DHX15: variants seen among roughly 807,000 people sequenced by gnomAD.
DHX15 encodes DEAH-box helicase 15.
In DHX15, 11 loss-of-function variants were observed where a neutral mutation model predicts 94.4. That is an observed-to-expected ratio of 0.12 (90% CI 0.07 to 0.19). The LOEUF is 0.19. Among genes scored for constraint, DHX15 ranks in the 10% least tolerant of loss-of-function variants. The pLI, the probability that DHX15 is intolerant of heterozygous loss-of-function variation, is 1.00. For missense variants in DHX15, 304 were observed against 988.5 expected (o/e 0.31, Z 9.29); for synonymous variants, 338 against 329.9 (o/e 1.02, Z -0.27).
At chr4:24,531,254 A>G (rs1006035538) in intron 12 of DHX15, among the ~76,000 whole-genome samples, 1 of 151,918 alleles carries the variant, frequency 6.6e-6, no homozygotes, top group Non-Finnish European at 1.5e-5. Context: ...GCGCCCGGCT[A>G]ATTTTTTGTA....
chr4:24,579,006 AAAGATTTT>A (rs1415947723), intron 1 of DHX15, among the ~76,000 whole-genome samples: 1 of 152,208 alleles, frequency 6.6e-6, no homozygotes, highest in African/African-American at 2.4e-5. Flanking sequence ...CTATACTAAC[AAAGATTTT>A]TTCAGGGGCC....
rs759203047 is a variant in DHX15 at position 24,556,350 on chromosome 4, A to G, written c.762T>C (p.Tyr254=). ...GAGCCTCATCAAGAATTATTACACC[A>G]TAACGCTCCAGGAGGGGATCATTCA... is the stretch of plus-strand genomic sequence containing the variant. ...EAMNDPLLER[Y]GVIILDEAHE... The change falls in exon 4 of 14, where the codon TAT becomes TAC. Residue 254 remains tyrosine, a synonymous_variant. Coordinates refer to ENST00000336812, the MANE Select transcript of DHX15 (RefSeq NM_001358.3). 21 of 1,613,632 alleles carry G rather than the reference A, an allele frequency of 1.3e-5. No individual in the cohort carries two copies. Among genetic ancestry groups the G allele is most frequent in the Non-Finnish European group, 1.6e-5 (19 of 1,179,700 alleles).
chr4:24,570,917 C>T lies in DHX15; in HGVS notation c.508-70G>A, dbSNP rs910493344. 8 of 1,471,260 alleles carry T rather than the reference C, an allele frequency of 5.4e-6. No individual in the cohort carries two copies. The Admixed American group carries it at 1.2e-4, about 23-fold the overall frequency. The allele number at this position is 1,471,260 out of a possible 1,614,324, so 91.1% of individuals were successfully genotyped here. A position where few individuals can be genotyped will look rare whatever the true frequency, so the allele number is the denominator to read the frequency against. On this transcript the variant is annotated intron_variant, in intron 2 of 13. Transcript: ENST00000336812. ...TATCAAGTATATGTAACATAAAGCA[C>T]TTTATCTCATTCTAATGATTTAAAA...
At chr4:24,531,964 T>G (rs1399100409) in intron 12 of DHX15, among the ~76,000 whole-genome samples, 1 of 152,228 alleles carries the variant, frequency 6.6e-6, no homozygotes, top group Non-Finnish European at 1.5e-5. Context: ...CAGGCTCATA[T>G]TCTAGCTACT....
chr4:24,552,746 T>C (rs138086364), intron 5 of DHX15, among the ~76,000 whole-genome samples: 1 of 152,184 alleles, frequency 6.6e-6, no homozygotes, highest in Non-Finnish European at 1.5e-5. Context: ...AATTCAAGAC[T>C]GGGAATCTAA....
chr4:24,554,815 A>G lies in DHX15; in HGVS notation c.990T>C (p.Asp330=). The change falls in exon 5 of 14, where the codon GAT becomes GAC. Residue 330 remains aspartate, a synonymous_variant. Transcript: ENST00000336812. ...EIFYTPEPER[D]YLEAAIRTVI... ...CTGTTCGAATTGCTGCTTCAAGATA[A>G]TCTCTCTCTGGTTCTGGAGTATAGA... is the stretch of plus-strand genomic sequence containing the variant. 6.2e-7 allele frequency: 1 copy of G among 1,613,810 alleles called. No individual in the cohort carries two copies. The highest frequency in any genetic ancestry group is 8.5e-7 in the Non-Finnish European group (1 of 1,179,880).
chr4:24,555,004 T>C (rs530116918), intron 4 of DHX15, 61 bp from the exon 5 acceptor site: 105 of 1,315,056 alleles, frequency 8.0e-5, no homozygotes, highest in Non-Finnish European at 8.0e-5. Context: ...GGTCTTACAG[T>C]ATAGCAATAT....
At chr4:24,580,199 A>T (rs1722378031) in intron 1 of DHX15, among the ~76,000 whole-genome samples, 1 of 152,180 alleles carries the variant, frequency 6.6e-6, no homozygotes, top group Non-Finnish European at 1.5e-5. Context: ...CCAGAGGCCA[A>T]AAGTTTGAGA....
chr4:24,575,575 T>C (rs1031473028), intron 2 of DHX15, among the ~76,000 whole-genome samples: 2 of 152,190 alleles, frequency 1.3e-5, no homozygotes, highest in Non-Finnish European at 1.5e-5. Flanking sequence ...GAAAGGTAAA[T>C]TGATACGCTC....
At position 24,542,926 on chromosome 4, in the gene DHX15, C is replaced by T. The variant is rs1371638425; in HGVS notation, c.1335+14G>A. ...AACCAACTCTAATTTATAAAGTATCCACTAAATATGTACCTTCTGTTTCGC... is the reference window on the plus strand; with the variant it reads ...AACCAACTCTAATTTATAAAGTATCTACTAAATATGTACCTTCTGTTTCGC... On this transcript the variant is annotated intron_variant, in intron 7 of 13. Transcript: ENST00000336812. 2 of 1,592,796 alleles carry T rather than the reference C, an allele frequency of 1.3e-6. No individual in the cohort carries two copies. The highest frequency in any genetic ancestry group is 1.1e-5 in the South Asian group (1 of 90,130).
intron 11 of DHX15, 138 bp downstream of exon 11, chr4:24,536,913 G>A (rs1053706057): frequency 1.4e-5 from 14 of 976,376 alleles, no homozygotes; most frequent in African/African-American, 1.2e-4. Flanking sequence ...TTAAATGCTC[G>A]TCAGGAGTTT....
intron 1 of DHX15, chr4:24,580,896 G>A (rs189358602): frequency 2.6e-5 from 4 of 152,038 alleles, no homozygotes; most frequent in African/African-American, 9.7e-5. Context: ...GTATAAGGAT[G>A]TTCATCAAAC....
intron 3 of DHX15, among the ~76,000 whole-genome samples, chr4:24,558,281 T>C (rs901558305): frequency 3.3e-5 from 5 of 152,130 alleles, no homozygotes; most frequent in East Asian, 1.9e-4. Context: ...GTGAGACACA[T>C]TGTAACTTCA....
intron 3 of DHX15, among the ~76,000 whole-genome samples, chr4:24,558,732 T>C (rs928986093): frequency 9.9e-5 from 15 of 152,062 alleles, no homozygotes; most frequent in African/African-American, 3.6e-4. Flanking sequence ...AATGAATAAT[T>C]TCAAGAAAAA....
At chr4:24,562,833 A>G (rs1721913397) in intron 3 of DHX15, among the ~76,000 whole-genome samples, 1 of 152,234 alleles carries the variant, frequency 6.6e-6, no homozygotes, top group Admixed American at 6.5e-5. Context: ...AATCTTTCAC[A>G]CACACAGAAC....
chr4:24,550,424 C>T (rs1190092245), intron 5 of DHX15, among the ~76,000 whole-genome samples: 3 of 152,090 alleles, frequency 2.0e-5, no homozygotes, highest in African/African-American at 7.2e-5. Flanking sequence ...TAGCTTAAAA[C>T]ACAAACACAC....
intron 2 of DHX15, among the ~76,000 whole-genome samples, chr4:24,572,959 G>A (rs539043266): frequency 6.6e-6 from 1 of 152,280 alleles, no homozygotes; most frequent in African/African-American, 2.4e-5. Context: ...TGCCCAGGCT[G>A]GAGTGCAGGG....
Position 24,547,932 on chromosome 4 carries a change from T to C in DHX15, c.1248+923A>G, listed in dbSNP as rs1349340795. ...ATATATATATATATATATATATATA[T>C]ATATATATATCTATATCTATATCTA... On this transcript the variant is annotated intron_variant, in intron 6 of 13. Coordinates refer to ENST00000336812, the MANE Select transcript of DHX15 (RefSeq NM_001358.3). Among the ~76,000 whole-genome samples, 46 of 40,806 alleles carry C rather than the reference T, an allele frequency of 1.1e-3. 2 individuals carry two copies. Among genetic ancestry groups the C allele is most frequent in the African/African-American group, 4.8e-3 (44 of 9,140 alleles). 26.8% of individuals were successfully genotyped at this position (40,806 alleles called of 152,430 possible).
rs1722547161 is a variant in DHX15, at chr4:24,584,108, T to C, written c.71+215A>G. 3.0e-5 allele frequency: 17 copies of C among 566,356 alleles called. No homozygotes were observed. The South Asian group carries it at 3.7e-4, about 12-fold the overall frequency. 35.1% of individuals were successfully genotyped at this position (566,356 alleles called of 1,614,324 possible). ...CTGCAGGCCTCTCCACCCTCCGGAC[T>C]GGGCTGGGCAGCGGCCCCGTCGCAC... On this transcript the variant is annotated intron_variant, in intron 1 of 13. Coordinates refer to ENST00000336812, the MANE Select transcript of DHX15 (RefSeq NM_001358.3).
Sources: allele counts gnomAD v4.1 joint callset (sites outside exome capture counted in the v4.1 genomes callset), GRCh38; gene constraint gnomAD v4.1.1; transcripts MANE v1.5; gene names NCBI Gene and HGNC (gene_info 2026-07-23, HGNC 2026-07-21).